The following KCNC1 variants were observed in gnomAD, a reference collection of about 807,000 sequenced individuals.
The protein encoded by KCNC1 is potassium voltage-gated channel subfamily C member 1, also known as voltage-gated potassium channel KCNC1.
A neutral mutation model predicts 43.4 loss-of-function variants in KCNC1; 8 were observed. That is an observed-to-expected ratio of 0.18 (90% confidence interval 0.11 to 0.33). The LOEUF (loss-of-function observed/expected upper bound fraction) is 0.33, where lower values mean the gene tolerates loss of function less well. Among genes scored for constraint, KCNC1 ranks in the 10% least tolerant of loss-of-function variants. The probability of loss-of-function intolerance (pLI) is 1.00; values close to 1 mark genes in which losing one functional copy is unlikely to be tolerated. For missense variants in KCNC1, 420 were observed against 836.0 expected, an observed-to-expected ratio of 0.50 and a Z score of 6.14; for synonymous variants, 361 against 360.5, an observed-to-expected ratio of 1.00 and a Z score of -0.01.
intron 2 of KCNC1, 159 bp downstream of exon 2, chr11:17,772,757 G>A: frequency 6.7e-7 from 1 of 1,491,422 alleles, no homozygotes; most frequent in Non-Finnish European, 8.9e-7. Flanking sequence ...GGGAGATGCT[G>A]GGCGGCCAAA....
chr11:17,762,719 A>T (rs1320702742), intron 1 of KCNC1, among the ~76,000 whole-genome samples: 2 of 152,162 alleles, frequency 1.3e-5, no homozygotes, highest in Non-Finnish European at 2.9e-5. Context: ...GCCACACTGG[A>T]GCCCAGTGCT....
intron 1 of KCNC1, among the ~76,000 whole-genome samples, chr11:17,766,824 G>A (rs1849155480): frequency 6.6e-6 from 1 of 152,154 alleles, no homozygotes. Flanking sequence ...TTTAACTCCA[G>A]GAGCTTTGGC....
chr11:17,780,625 G>T (rs1172259484), intron 3 of KCNC1: 1 of 152,478 alleles, frequency 6.6e-6, no homozygotes, highest in Non-Finnish European at 1.5e-5. Flanking sequence ...GTCAGAAGAG[G>T]AGCTGGGTTT....
intron 1 of KCNC1, among the ~76,000 whole-genome samples, chr11:17,759,209 G>T (rs1448694038): frequency 6.6e-6 from 1 of 152,156 alleles, no homozygotes; most frequent in Non-Finnish European, 1.5e-5. Context: ...ACCAACTTCT[G>T]CTAGCTTTAA....
At chr11:17,747,144 C>T (rs1848909232) in intron 1 of KCNC1, among the ~76,000 whole-genome samples, 1 of 152,170 alleles carries the variant, frequency 6.6e-6, no homozygotes, top group Non-Finnish European at 1.5e-5. Flanking sequence ...GGGGTCCCTT[C>T]CTCCAGTCTG....
chr11:17,748,164 G>A (rs114931457), intron 1 of KCNC1, among the ~76,000 whole-genome samples: 133 of 152,232 alleles, frequency 8.7e-4, no homozygotes, highest in African/African-American at 3.0e-3. Context: ...GCGCACTGGA[G>A]TGGGCAGTTT....
At position 17,775,723 on chromosome 11, in the gene KCNC1, C is replaced by T. The variant is rs1009855524; in HGVS notation, c.1504+3125C>T. 22 of 985,804 alleles carry T rather than the reference C, an allele frequency of 2.2e-5. No individual in the cohort carries two copies. The East Asian group carries it at 4.5e-4, about 20-fold the overall frequency. 61.1% of individuals were successfully genotyped at this position (985,804 alleles called of 1,614,324 possible). A position where few individuals can be genotyped will look rare whatever the true frequency, so the allele number is the denominator to read the frequency against. On this transcript the variant is annotated intron_variant, in intron 2 of 3. Transcript: ENST00000265969. ...GATGTGGGTCAGTCCTTTGTGGTGC[C>T]GCGTCCAGGGCTGCAGGGTCCCACG...
Position 17,773,292 on chromosome 11 carries a change from T to C in KCNC1, c.1504+694T>C, listed in dbSNP as rs1050003480. The C allele has an allele frequency of 2.2e-5, 22 of 985,430 alleles. No individual in the cohort carries two copies. The highest frequency in any genetic ancestry group is 2.7e-5 in the Non-Finnish European group (22 of 829,948). The allele number at this position is 985,430 out of a possible 1,614,324, so 61.0% of individuals were successfully genotyped here. ...CCACCACTCTAGAGTTTAGCCTTTA[T>C]CTTTAGGAACCTGTTGAAGTGACTC... On this transcript the variant is annotated intron_variant, in intron 2 of 3. Transcript: ENST00000265969. This position sits in a 1 kb window ranked among gnomAD's most constrained non-coding sequence, Gnocchi z 4.1.
At chr11:17,774,502 T>A (rs1398628379) in intron 2 of KCNC1, 1 of 985,472 alleles carries the variant, frequency 1.0e-6, no homozygotes, top group East Asian at 1.1e-4. Flanking sequence ...GACAGTATTA[T>A]CCTGTGCGGA....
Position 17,776,448 on chromosome 11 carries a change from C to A in KCNC1, c.1505-3008C>A. 1.0e-6 allele frequency: 1 copy of A among 985,414 alleles called. No individual in the cohort carries two copies. The highest frequency in any genetic ancestry group is 4.7e-5 in the South Asian group (1 of 21,284). 61.0% of individuals were successfully genotyped at this position (985,414 alleles called of 1,614,324 possible). Reference sequence around the variant, plus strand: ...CTGGTGTGAACAGTAAGTACTTTGGCGGTGCCTGGAGACCAGGGCAGAAAA... The same window carrying A: ...CTGGTGTGAACAGTAAGTACTTTGGAGGTGCCTGGAGACCAGGGCAGAAAA... On this transcript the variant is annotated intron_variant, in intron 2 of 3. Coordinates refer to ENST00000265969, the MANE Select transcript of KCNC1 (RefSeq NM_001112741.2). This position sits in a 1 kb window ranked among gnomAD's most constrained non-coding sequence, Gnocchi z 4.4.
chr11:17,751,555 C>T (rs1848968945), intron 1 of KCNC1, among the ~76,000 whole-genome samples: 1 of 152,156 alleles, frequency 6.6e-6, no homozygotes, highest in Admixed American at 6.5e-5. Context: ...TGGCCCAGTA[C>T]ATGTGTGCAG....
At chr11:17,752,539 T>C (rs981555037) in intron 1 of KCNC1, among the ~76,000 whole-genome samples, 3 of 152,258 alleles carry the variant, frequency 2.0e-5, no homozygotes, top group Non-Finnish European at 4.4e-5. Context: ...CTCATGGCCT[T>C]GCACACACAT....
rs1230276542 is a variant in KCNC1, at chr11:17,764,418, A to T, written c.571-7247A>T. The stretch of plus-strand genomic sequence containing the variant: ...ATCTGTCCATGCACACACATGAATC[A>T]CATACAGCACACGTAGCGACCATTT... On this transcript the variant is annotated intron_variant, in intron 1 of 3. Transcript: ENST00000265969. Among the ~76,000 whole-genome samples the T allele has an allele frequency of 2.6e-5, 4 of 152,108 alleles. No homozygotes were observed. The East Asian group carries it at 7.7e-4, about 29-fold the overall frequency.
At position 17,776,018 on chromosome 11, in the gene KCNC1, C is replaced by A; in HGVS notation, c.1504+3420C>A. On this transcript the variant is annotated intron_variant, in intron 2 of 3. Transcript: ENST00000265969. The surrounding 1 kb of genome is among the most constrained non-coding windows in gnomAD (Gnocchi z 4.4). ...GAGCTGGGCAGCGCTGACTAGGCGG[C>A]GGGTGGGGCTAAGAGAGTTTCTGCA... The A allele has an allele frequency of 3.0e-6, 3 of 985,138 alleles. No homozygotes were observed. Among genetic ancestry groups the A allele is most frequent in the Non-Finnish European group, 3.6e-6 (3 of 829,866 alleles). The allele number at this position is 985,138 out of a possible 1,614,324, so 61.0% of individuals were successfully genotyped here.
rs766667950 is a variant in KCNC1 at position 17,735,992 on chromosome 11, G to A, written c.-11G>A. Reference sequence around the variant, plus strand: ...GTCGCTGGGCCGCGCCATGCCTAAGGGGGCGCCGCGATGGGCCAAGGGGAC... The same window carrying A: ...GTCGCTGGGCCGCGCCATGCCTAAGAGGGCGCCGCGATGGGCCAAGGGGAC... On this transcript the variant is annotated 5_prime_UTR_variant, in exon 1 of 4. Transcript: ENST00000265969. This position sits in a 1 kb window ranked among gnomAD's most constrained non-coding sequence, Gnocchi z 6.7. 1.3e-5 allele frequency: 19 copies of A among 1,447,748 alleles called. No homozygotes were observed. The African/African-American group carries it at 2.8e-4, about 21-fold the overall frequency. 89.7% of individuals were successfully genotyped at this position (1,447,748 alleles called of 1,614,324 possible).
In KCNC1 at chr11:17,776,830, A is replaced by G. The variant is rs1032370399; in HGVS notation, c.1505-2626A>G. The G allele has an allele frequency of 1.3e-5, 13 of 985,256 alleles. No individual in the cohort carries two copies. The highest frequency in any genetic ancestry group is 1.6e-5 in the Non-Finnish European group (13 of 830,106). 61.0% of individuals were successfully genotyped at this position (985,256 alleles called of 1,614,324 possible). A position where few individuals can be genotyped will look rare whatever the true frequency, so the allele number is the denominator to read the frequency against. ...TCGTTGGTTTCTCTTTCTTCAAGCC[A>G]CCCCTCTGGAGTTGGGGAGGGAGAA... is the stretch of plus-strand genomic sequence containing the variant. On this transcript the variant is annotated intron_variant, in intron 2 of 3. Coordinates refer to ENST00000265969, the MANE Select transcript of KCNC1 (RefSeq NM_001112741.2). The surrounding 1 kb of genome is among the most constrained non-coding windows in gnomAD (Gnocchi z 4.4).
chr11:17,774,215 G>T, intron 2 of KCNC1: 1 of 985,490 alleles, frequency 1.0e-6, no homozygotes, highest in East Asian at 1.1e-4. Context: ...CTCTGCTTTG[G>T]ATTAGCTAGT....
intron 2 of KCNC1, chr11:17,772,840 G>A (rs1207103208): frequency 1.2e-5 from 17 of 1,394,072 alleles, no homozygotes; most frequent in Admixed American, 3.3e-5. Flanking sequence ...GGTTGGTCTC[G>A]TGATGTTCTG....
At chr11:17,737,544 G>A (rs1848782701) in intron 1 of KCNC1, among the ~76,000 whole-genome samples, 2 of 152,086 alleles carry the variant, frequency 1.3e-5, no homozygotes, top group Admixed American at 1.3e-4. Flanking sequence ...AAATGGGGGA[G>A]GGGGCCTGGT....
Sources: allele counts gnomAD v4.1 joint callset (sites outside exome capture counted in the v4.1 genomes callset), GRCh38; gene constraint gnomAD v4.1.1; non-coding constraint Gnocchi (gnomAD v3.1); transcripts MANE v1.5; gene names NCBI Gene and HGNC (gene_info 2026-07-23, HGNC 2026-07-21).